The following IQCM variants were observed in gnomAD, a reference collection of about 807,000 sequenced individuals.
IQCM encodes the protein IQ motif containing M, also known as IQ domain-containing protein M.
In IQCM, 45 loss-of-function variants were observed where a neutral mutation model predicts 57.6. The ratio of observed to expected loss-of-function variants is 0.78; its 90% CI spans 0.62 to 1.00. The LOEUF (loss-of-function observed/expected upper bound fraction) is 1.00. Among genes scored for constraint, IQCM ranks in the 50% least tolerant of loss-of-function variants. IQCM has a pLI of 0.00. For missense variants in IQCM, 468 were observed against 511.6 expected (o/e 0.91, Z 0.82); for synonymous variants, 148 against 158.9 (o/e 0.93, Z 0.51).
chr4:149,369,274 C>G (rs1452751155), intron 13 of IQCM, among the ~76,000 whole-genome samples: 4 of 151,744 alleles, frequency 2.6e-5, no homozygotes, highest in African/African-American at 9.7e-5. Context: ...GAACTCCTGA[C>G]TTCAGGTGAT....
intron 5 of IQCM, among the ~76,000 whole-genome samples, chr4:149,723,664 T>C (rs930420626): frequency 3.9e-5 from 6 of 152,096 alleles, no homozygotes; most frequent in Non-Finnish European, 8.8e-5. Flanking sequence ...ATTATCTTTC[T>C]GATGCACTGT....
chr4:149,633,735 G>T lies in IQCM; in HGVS notation c.566-12491C>A, dbSNP rs527662463. Among the ~76,000 whole-genome samples, 81 of 152,054 alleles carry T rather than the reference G, an allele frequency of 5.3e-4. 1 individual carries two copies. The South Asian group carries it at 0.015, about 28-fold the overall frequency. ...CTTTCCTCCAGTTAAACTACTCTAC[G>T]ACCTTAACCTGAAATAACTTTGAAA... On this transcript the variant is annotated intron_variant, in intron 7 of 13. Coordinates refer to ENST00000636793, the MANE Select transcript of IQCM (RefSeq NM_001363507.2).
At chr4:149,538,674 T>C (rs1023096588) in intron 12 of IQCM, among the ~76,000 whole-genome samples, 1 of 151,794 alleles carries the variant, frequency 6.6e-6, no homozygotes, top group Admixed American at 6.6e-5. Context: ...GAAAATAAAC[T>C]ATAGACCAAA....
chr4:149,421,601 A>G (rs938930391), intron 13 of IQCM, among the ~76,000 whole-genome samples: 3 of 152,040 alleles, frequency 2.0e-5, no homozygotes, highest in Non-Finnish European at 2.9e-5. Flanking sequence ...TTGCATATCA[A>G]ATGAAACCTG....
intron 12 of IQCM, among the ~76,000 whole-genome samples, chr4:149,531,236 A>G (rs1746718602): frequency 6.6e-6 from 1 of 152,178 alleles, no homozygotes; most frequent in South Asian, 2.1e-4. Flanking sequence ...TCCCTTAAAA[A>G]GTGACATGAG....
chr4:149,712,257 T>A (rs1764621399), intron 5 of IQCM, among the ~76,000 whole-genome samples: 1 of 152,190 alleles, frequency 6.6e-6, no homozygotes, highest in Non-Finnish European at 1.5e-5. Flanking sequence ...CCTTGGGCAC[T>A]GACTTGCTCA....
At chr4:149,591,921 A>G (rs1753221619) in intron 8 of IQCM, among the ~76,000 whole-genome samples, 1 of 152,184 alleles carries the variant, frequency 6.6e-6, no homozygotes, top group Non-Finnish European at 1.5e-5. Flanking sequence ...ATACGTGTAC[A>G]TGTGTCTTCA....
chr4:149,794,936 C>T (rs1772980217), intron 2 of IQCM, among the ~76,000 whole-genome samples: 1 of 151,984 alleles, frequency 6.6e-6, no homozygotes, highest in Admixed American at 6.6e-5. Context: ...ACAGATTACC[C>T]TTTTACTGGA....
chr4:149,662,684 T>C (rs1760330888), intron 7 of IQCM, among the ~76,000 whole-genome samples: 1 of 152,002 alleles, frequency 6.6e-6, no homozygotes, highest in Non-Finnish European at 1.5e-5. Flanking sequence ...TCTATAATTT[T>C]TTAATTAAAG....
At chr4:149,714,402 T>C (rs1279974290) in intron 5 of IQCM, among the ~76,000 whole-genome samples, 1 of 152,214 alleles carries the variant, frequency 6.6e-6, no homozygotes, top group South Asian at 2.1e-4. Context: ...ATCTATAAAC[T>C]GAGGTATCTC....
intron 7 of IQCM, among the ~76,000 whole-genome samples, chr4:149,674,661 A>G (rs528768876): frequency 1.3e-5 from 2 of 152,224 alleles, no homozygotes; most frequent in South Asian, 4.1e-4. Flanking sequence ...AGAACAACAC[A>G]TACACAGTTC....
At chr4:149,539,757 C>T (rs114961614) in intron 12 of IQCM, among the ~76,000 whole-genome samples, 2,911 of 152,000 alleles carry the variant, frequency 0.019, 84 homozygotes, top group South Asian at 0.15. Flanking sequence ...CCTAGCTATT[C>T]GGGAGGCTGA....
At chr4:149,724,565 ACATACACACT>A (rs1054160755) in intron 5 of IQCM, among the ~76,000 whole-genome samples, 1 of 151,996 alleles carries the variant, frequency 6.6e-6, no homozygotes, top group Admixed American at 6.6e-5. Flanking sequence ...ACAAACACAC[ACATACACACT>A]CAAACACACT....
rs1757112670 is a variant in IQCM at position 149,629,918 on chromosome 4, A to G, written c.566-8674T>C. 2.0e-5 allele frequency among the ~76,000 whole-genome samples: 3 copies of G among 150,222 alleles called. No individual in the cohort carries two copies. In the South Asian group the frequency reaches 6.4e-4, roughly 32 times the overall value. On this transcript the variant is annotated intron_variant, in intron 7 of 13. Transcript: ENST00000636793. ...TTTAAACTTCCTTTAATAAAGATAC[A>G]TAATAAAATGAATGTTTCCTTTAAA...
chr4:149,433,225 C>T (rs1259841859), intron 13 of IQCM, among the ~76,000 whole-genome samples, 171 bp downstream of exon 13: 2 of 151,968 alleles, frequency 1.3e-5, no homozygotes, highest in African/African-American at 4.8e-5. Context: ...GGCACCAAAG[C>T]ATAAAATAGC....
intron 12 of IQCM, among the ~76,000 whole-genome samples, chr4:149,450,868 C>T (rs1043574944): frequency 6.6e-6 from 1 of 151,546 alleles, no homozygotes; most frequent in Non-Finnish European, 1.5e-5. Context: ...GGGTATATGC[C>T]CCCCACCAAA....
At chr4:149,596,315 A>T (rs549102868) in intron 8 of IQCM, among the ~76,000 whole-genome samples, 1 of 152,324 alleles carries the variant, frequency 6.6e-6, no homozygotes, top group African/African-American at 2.4e-5. Flanking sequence ...ATGTTGTTTA[A>T]TGCATGGCTG....
intron 13 of IQCM, among the ~76,000 whole-genome samples, chr4:149,414,731 A>C (rs1733624824): frequency 6.6e-6 from 1 of 152,042 alleles, no homozygotes; most frequent in Non-Finnish European, 1.5e-5. Flanking sequence ...TTTAAAAATT[A>C]AAAAATAAGA....
intron 5 of IQCM, among the ~76,000 whole-genome samples, chr4:149,727,901 G>T (rs1766097684): frequency 6.6e-6 from 1 of 152,212 alleles, no homozygotes; most frequent in African/African-American, 2.4e-5. Context: ...CTGCTCAGGA[G>T]AGCTGACTGT....
Sources: gnomAD v4.1 joint callset for allele counts (sites outside exome capture counted in the v4.1 genomes callset) on GRCh38, gnomAD v4.1.1 for gene constraint, MANE v1.5 for transcripts, NCBI Gene and HGNC (gene_info 2026-07-23, HGNC 2026-07-21) for gene names.